Variants in AHI1 observed in about 807,000 individuals in gnomAD.
The protein encoded by AHI1 is Abelson helper integration site 1.
AHI1 carries 123 observed loss-of-function variants against 149.3 expected under a neutral mutation model. The observed-to-expected ratio is 0.82, with a 90% confidence interval of 0.71 to 0.96. The LOEUF is 0.96. AHI1 is among the 40% of genes least tolerant of loss of function. The pLI is 0.00. For missense variants in AHI1, 1,439 were observed against 1,422.7 expected (o/e 1.01, Z -0.18); for synonymous variants, 475 against 459.8 (o/e 1.03, Z -0.42).
chr6:135,339,419 C>A (rs975589359), intron 24 of AHI1, among the ~76,000 whole-genome samples: 1 of 151,982 alleles, frequency 6.6e-6, no homozygotes, highest in African/African-American at 2.4e-5. Context: ...GTTCAAAGAC[C>A]TAAAGGAAAC....
chr6:135,336,112 T>TAA (rs57344793), intron 24 of AHI1, among the ~76,000 whole-genome samples: 1,240 of 76,448 alleles, frequency 0.016, 15 homozygotes, highest in East Asian at 0.057. Context: ...AAACTCCGTC[T>TAA]AAAAAAAAAA....
intron 23 of AHI1, among the ~76,000 whole-genome samples, chr6:135,368,021 A>C (rs1281662357): frequency 6.6e-6 from 1 of 152,164 alleles, no homozygotes; most frequent in Non-Finnish European, 1.5e-5. Context: ...ACTATTGTTC[A>C]GATTCTTCTG....
chr6:135,392,441 T>C (rs745845904), intron 23 of AHI1, among the ~76,000 whole-genome samples: 2 of 152,154 alleles, frequency 1.3e-5, no homozygotes, highest in African/African-American at 4.8e-5. Context: ...CTTACATATA[T>C]ATAAAATCAA....
In AHI1 at chr6:135,494,996, G is replaced by T. The variant is rs542658690; in HGVS notation, c.-55+818C>A. Reference sequence around the variant, plus strand: ...CAGAAACTTAGCAGGCTGGGGCTAAGGAATGAATGGAAGGTGACACCTGTA... The same window carrying T: ...CAGAAACTTAGCAGGCTGGGGCTAATGAATGAATGGAAGGTGACACCTGTA... On this transcript the variant is annotated intron_variant, in intron 3 of 28. Transcript: ENST00000265602. 2.0e-4 allele frequency among the ~76,000 whole-genome samples: 30 copies of T among 152,286 alleles called. No individual in the cohort carries two copies. In the South Asian group the frequency reaches 6.0e-3, roughly 30 times the overall value.
chr6:135,387,095 C>G lies in AHI1; in HGVS notation c.3109+7681G>C, dbSNP rs559474616. ...ACAGAGCTTCGTCATGTTGCCCAAGCTGGTCTCAAACTCCTGAGCTCAAGT... is the reference window on the plus strand; with the variant it reads ...ACAGAGCTTCGTCATGTTGCCCAAGGTGGTCTCAAACTCCTGAGCTCAAGT... On this transcript the variant is annotated intron_variant, in intron 23 of 28. Transcript: ENST00000265602. 5.9e-5 allele frequency among the ~76,000 whole-genome samples: 9 copies of G among 152,210 alleles called. No homozygotes were observed. The South Asian group carries it at 6.2e-4, about 11-fold the overall frequency.
intron 5 of AHI1, among the ~76,000 whole-genome samples, chr6:135,478,273 T>G (rs1408448560): frequency 6.6e-6 from 1 of 152,200 alleles, no homozygotes; most frequent in Non-Finnish European, 1.5e-5. Flanking sequence ...GGTTTGGAAC[T>G]TCATAGAGAC....
intron 5 of AHI1, among the ~76,000 whole-genome samples, chr6:135,484,577 C>T (rs1432878863): frequency 1.3e-5 from 2 of 152,030 alleles, no homozygotes; most frequent in Non-Finnish European, 2.9e-5. Flanking sequence ...ATGAAACTTA[C>T]TCATAATTTT....
chr6:135,294,114 C>T (rs890166508), intron 27 of AHI1, among the ~76,000 whole-genome samples: 1 of 152,066 alleles, frequency 6.6e-6, no homozygotes, highest in African/African-American at 2.4e-5. Context: ...CACTTGAGGC[C>T]AGGAGTTTGA....
At chr6:135,303,229 T>A (rs1231348848) in intron 26 of AHI1, among the ~76,000 whole-genome samples, 1 of 152,180 alleles carries the variant, frequency 6.6e-6, no homozygotes, top group East Asian at 1.9e-4. Flanking sequence ...ATGCAAACAA[T>A]TCCCCCAAAT....
chr6:135,288,180 C>T (rs1342867702), intron 28 of AHI1, among the ~76,000 whole-genome samples: 1 of 152,048 alleles, frequency 6.6e-6, no homozygotes, highest in Admixed American at 6.5e-5. Flanking sequence ...TGAAGGTTTA[C>T]TTCTGTGGCA....
chr6:135,336,848 C>G (rs1789466139), intron 24 of AHI1, among the ~76,000 whole-genome samples: 1 of 152,092 alleles, frequency 6.6e-6, no homozygotes. Flanking sequence ...TTAATGCTTG[C>G]TATGTGTCAG....
Position 135,285,586 on chromosome 6 carries a change from T to C in AHI1, c.*59A>G. 3.2e-6 allele frequency: 5 copies of C among 1,576,902 alleles called. No homozygotes were observed. Among genetic ancestry groups the C allele is most frequent in the Non-Finnish European group, 4.3e-6 (5 of 1,150,976 alleles). Reference sequence around the variant, plus strand: ...TTCTGAACTCTGAAGAGAAATTCCATTTGGTTTGTCATTTTCACCTCTGTG... The same window carrying C: ...TTCTGAACTCTGAAGAGAAATTCCACTTGGTTTGTCATTTTCACCTCTGTG... On this transcript the variant is annotated 3_prime_UTR_variant, in exon 29 of 29. Transcript: ENST00000265602.
chr6:135,465,529 G>C (rs1790603397), intron 7 of AHI1, among the ~76,000 whole-genome samples: 1 of 152,166 alleles, frequency 6.6e-6, no homozygotes, highest in African/African-American at 2.4e-5. Flanking sequence ...ACAAGGATCT[G>C]GCTCAGCCTC....
In AHI1 at chr6:135,435,829, G is replaced by A. The variant is rs1295648131; in HGVS notation, c.2036+2546C>T. Among the ~76,000 whole-genome samples, 4 of 152,152 alleles carry A rather than the reference G, an allele frequency of 2.6e-5. No individual in the cohort carries two copies. The East Asian group carries it at 5.8e-4, about 22-fold the overall frequency. ...TTAAAGCAAACGCAATAGAGAGGAC[G>A]TGACAAAACTGTGAGCCTTTTAGGA... On this transcript the variant is annotated intron_variant, in intron 15 of 28. Coordinates refer to ENST00000265602, the MANE Select transcript of AHI1 (RefSeq NM_001134831.2).
chr6:135,312,292 C>T (rs1458880454), intron 26 of AHI1, among the ~76,000 whole-genome samples: 1 of 151,982 alleles, frequency 6.6e-6, no homozygotes, highest in Non-Finnish European at 1.5e-5. Flanking sequence ...GCAGGCGGAT[C>T]ATTTGAGGTC....
chr6:135,345,065 C>T (rs1329272949), intron 24 of AHI1, among the ~76,000 whole-genome samples: 1 of 151,956 alleles, frequency 6.6e-6, no homozygotes, highest in Non-Finnish European at 1.5e-5. Context: ...CCAAAGAAAA[C>T]ATACAAATGT....
At chr6:135,409,766 A>G (rs1183779181) in intron 21 of AHI1, among the ~76,000 whole-genome samples, 2 of 152,184 alleles carry the variant, frequency 1.3e-5, no homozygotes, top group East Asian at 3.8e-4. Context: ...TTTCACTAGG[A>G]TATTTCTAAG....
chr6:135,400,306 A>C (rs542863310), intron 22 of AHI1, among the ~76,000 whole-genome samples: 2 of 152,170 alleles, frequency 1.3e-5, no homozygotes, highest in African/African-American at 2.4e-5. Context: ...CTGAACCTTT[A>C]AAAAAATGTT....
At chr6:135,483,466 T>C (rs960788060) in intron 5 of AHI1, among the ~76,000 whole-genome samples, 1 of 152,098 alleles carries the variant, frequency 6.6e-6, no homozygotes, top group African/African-American at 2.4e-5. Context: ...AGAACTATTA[T>C]AAAAATAAAG....
Sources: gnomAD v4.1 joint callset for allele counts (sites outside exome capture counted in the v4.1 genomes callset) on GRCh38, gnomAD v4.1.1 for gene constraint, MANE v1.5 for transcripts, NCBI Gene and HGNC (gene_info 2026-07-23, HGNC 2026-07-21) for gene names.